PDE10A: variants seen among roughly 807,000 people sequenced by gnomAD.
PDE10A encodes the protein cAMP and cAMP-inhibited cGMP 3',5'-cyclic phosphodiesterase 10A.
A neutral mutation model predicts 97.7 loss-of-function variants in PDE10A; 39 were observed. That is an observed-to-expected ratio of 0.40 (90% CI 0.31 to 0.52). The LOEUF (loss-of-function observed/expected upper bound fraction) is 0.52. PDE10A is among the 20% of genes least tolerant of loss of function. PDE10A has a pLI of 0.56. For synonymous variants in PDE10A, 371 were observed against 376.8 expected (o/e 0.98, Z 0.18); for missense variants, 731 against 1,047.8 (o/e 0.70, Z 4.17).
intron 18 of PDE10A, among the ~76,000 whole-genome samples, chr6:165,345,771 A>G (rs1175611584): frequency 1.3e-5 from 2 of 152,246 alleles, no homozygotes; most frequent in East Asian, 3.8e-4. Context: ...CAGTTACAGC[A>G]AAGAACCAAA....
chr6:165,921,122 C>G (rs376095465), intron 1 of PDE10A, among the ~76,000 whole-genome samples: 1 of 152,180 alleles, frequency 6.6e-6, no homozygotes, highest in East Asian at 1.9e-4. Flanking sequence ...ACCAAAGCAG[C>G]GTGGGATTAC....
At chr6:165,551,014 C>T (rs903149269) in intron 1 of PDE10A, among the ~76,000 whole-genome samples, 3 of 152,068 alleles carry the variant, frequency 2.0e-5, no homozygotes, top group African/African-American at 7.2e-5. Flanking sequence ...ATAATTGTAG[C>T]AACTTAGTAA....
chr6:165,614,043 T>C (rs1482223150), intron 1 of PDE10A, among the ~76,000 whole-genome samples: 3 of 152,140 alleles, frequency 2.0e-5, no homozygotes, highest in Non-Finnish European at 4.4e-5. Context: ...GTGCAACCAT[T>C]AAGCACCAAG....
chr6:165,866,155 A>G (rs1159119891), intron 1 of PDE10A, among the ~76,000 whole-genome samples: 1 of 152,180 alleles, frequency 6.6e-6, no homozygotes, highest in African/African-American at 2.4e-5. Flanking sequence ...GAAAAAAAAA[A>G]TAAGACCCAA....
intron 1 of PDE10A, among the ~76,000 whole-genome samples, chr6:165,834,528 G>T (rs1780017757): frequency 6.6e-6 from 1 of 152,192 alleles, no homozygotes; most frequent in African/African-American, 2.4e-5. Flanking sequence ...CATTTCAAAT[G>T]GTGAAGAGCA....
chr6:165,648,137 C>T (rs559078672), intron 1 of PDE10A, among the ~76,000 whole-genome samples: 1 of 152,158 alleles, frequency 6.6e-6, no homozygotes, highest in Admixed American at 6.5e-5. Context: ...CTCAGCCTCC[C>T]GAGTAGCTGG....
chr6:165,460,204 C>T (rs911951888), intron 3 of PDE10A, among the ~76,000 whole-genome samples: 1 of 152,222 alleles, frequency 6.6e-6, no homozygotes, highest in Non-Finnish European at 1.5e-5. Context: ...CAACAGGAGC[C>T]TGTGGACCCT....
Position 165,661,932 on chromosome 6 carries a change from GA to G in PDE10A, c.865+14del. 1.1e-6 allele frequency: 1 copy of G among 907,280 alleles called. No individual in the cohort carries two copies. Among genetic ancestry groups the G allele is most frequent in the South Asian group, 1.4e-5 (1 of 69,362 alleles). 56.2% of individuals were successfully genotyped at this position (907,280 alleles called of 1,614,324 possible). On this transcript the variant is annotated intron_variant, in intron 1 of 21. Transcript: ENST00000539869. This position sits in a 1 kb window ranked among gnomAD's most constrained non-coding sequence, Gnocchi z 4.8. ...AGCCGCCCCACCTCCGGGGAACGGG[GA>G]GCAGGCCACTTACTGGGGCTCAGGA...
At chr6:165,730,379 C>T (rs972981316) in intron 1 of PDE10A, among the ~76,000 whole-genome samples, 1 of 152,178 alleles carries the variant, frequency 6.6e-6, no homozygotes, top group Non-Finnish European at 1.5e-5. Context: ...AAATAAATCA[C>T]GTCCCCCATC....
intron 1 of PDE10A, among the ~76,000 whole-genome samples, chr6:165,805,845 T>A (rs1779121658): frequency 6.6e-6 from 1 of 151,416 alleles, no homozygotes; most frequent in South Asian, 2.1e-4. Flanking sequence ...TGGATCTGGG[T>A]GGTTGCTCTG....
chr6:165,888,124 C>T (rs1781679366), intron 1 of PDE10A, among the ~76,000 whole-genome samples: 1 of 152,176 alleles, frequency 6.6e-6, no homozygotes, highest in African/African-American at 2.4e-5. Context: ...CACCTTCTTA[C>T]AGTCTTGGCT....
chr6:165,451,450 G>T (rs1008593631), intron 3 of PDE10A, among the ~76,000 whole-genome samples: 2 of 152,084 alleles, frequency 1.3e-5, no homozygotes, highest in African/African-American at 4.8e-5. Context: ...ACACTCCTGG[G>T]GCTTCCTACT....
At position 165,655,670 on chromosome 6, in the gene PDE10A, T is replaced by C. The variant is rs1789914935; in HGVS notation, c.865+6277A>G. 1.3e-5 allele frequency among the ~76,000 whole-genome samples: 2 copies of C among 152,116 alleles called. No individual in the cohort carries two copies. Among genetic ancestry groups the C allele is most frequent in the African/African-American group, 4.8e-5 (2 of 41,408 alleles). On this transcript the variant is annotated intron_variant, in intron 1 of 21. Transcript: ENST00000539869. This position sits in a 1 kb window ranked among gnomAD's most constrained non-coding sequence, Gnocchi z 4.5. ...TATCCACGACATCTCCCTTCATTCATTCACCAAACTGCAGCCAGAATGAGC... is the reference window on the plus strand; with the variant it reads ...TATCCACGACATCTCCCTTCATTCACTCACCAAACTGCAGCCAGAATGAGC...
intron 1 of PDE10A, among the ~76,000 whole-genome samples, chr6:165,721,507 A>C (rs1792166670): frequency 6.6e-6 from 1 of 152,242 alleles, no homozygotes; most frequent in South Asian, 2.1e-4. Flanking sequence ...TCCATACTCT[A>C]AGTGCCACTT....
intron 1 of PDE10A, among the ~76,000 whole-genome samples, chr6:165,555,229 G>C (rs1391756640): frequency 6.6e-6 from 1 of 152,108 alleles, no homozygotes; most frequent in African/African-American, 2.4e-5. Context: ...CATTCTCCAT[G>C]ATGTGCTTCT....
chr6:165,512,691 T>G (rs942348158), intron 2 of PDE10A, among the ~76,000 whole-genome samples: 4 of 152,062 alleles, frequency 2.6e-5, no homozygotes, highest in African/African-American at 7.2e-5. Flanking sequence ...TTCCTCTCCC[T>G]TTAGCAGATT....
intron 2 of PDE10A, among the ~76,000 whole-genome samples, chr6:165,484,860 ATGCACT>A (rs2128282894): frequency 6.6e-6 from 1 of 152,246 alleles, no homozygotes; most frequent in South Asian, 2.1e-4. Context: ...TTCCCACACT[ATGCACT>A]TGTCTCAGTC....
intron 18 of PDE10A, among the ~76,000 whole-genome samples, chr6:165,347,256 T>A (rs201927244): frequency 6.6e-6 from 1 of 152,166 alleles, no homozygotes; most frequent in East Asian, 1.9e-4. Context: ...TAATACAGTT[T>A]TTCTGAAAGT....
chr6:165,743,324 A>G (rs1455986869), intron 1 of PDE10A, among the ~76,000 whole-genome samples: 1 of 152,336 alleles, frequency 6.6e-6, no homozygotes, highest in Non-Finnish European at 1.5e-5. Flanking sequence ...CACTGTTAAC[A>G]TCTTACGTAA....
Sources: gnomAD v4.1 joint callset for allele counts (sites outside exome capture counted in the v4.1 genomes callset) on GRCh38, gnomAD v4.1.1 for gene constraint, Gnocchi (gnomAD v3.1) non-coding constraint, MANE v1.5 for transcripts, NCBI Gene and HGNC (gene_info 2026-07-23, HGNC 2026-07-21) for gene names.